APOL2: variants seen among roughly 807,000 people sequenced by gnomAD.
APOL2 encodes apolipoprotein L2, also known as apolipoprotein L, 2.
A neutral mutation model predicts 7.1 loss-of-function variants in APOL2; 8 were observed. The ratio of observed to expected loss-of-function variants is 1.12; its 90% CI spans 0.66 to 2.03. APOL2 has a LOEUF of 2.03. Among genes scored for constraint, APOL2 ranks in the 30% most tolerant of loss-of-function variants. The probability of loss-of-function intolerance (pLI) is 0.00; values close to 1 mark genes in which losing one functional copy is unlikely to be tolerated. For synonymous variants in APOL2, 177 were observed against 159.9 expected (o/e 1.11, Z -0.81); for missense variants, 471 against 415.1 (o/e 1.13, Z -1.17).
At chr22:36,237,017 G>T in intron 1 of APOL2, 1 of 1,427,666 alleles carries the variant, frequency 7.0e-7, no homozygotes, top group Non-Finnish European at 9.2e-7. Context: ...AGGACCAGGA[G>T]GGAGAAGAGG....
chr22:36,230,493 C>T (rs1463311408), intron 4 of APOL2, among the ~76,000 whole-genome samples: 1 of 152,080 alleles, frequency 6.6e-6, no homozygotes, highest in Non-Finnish European at 1.5e-5. Context: ...CTTTCCACAC[C>T]CTAGTCCCAG....
In APOL2 at chr22:36,228,238, T is replaced by C; in HGVS notation, c.180A>G (p.Ala60=). ...DELRKALNKL[A]SHMVMKDKNR... ...TTTTGTCCTTCATGACCATGTGACT[T>C]GCAAGCTTGTTCAGAGCTTTACGGA... Residue 60 remains alanine (A), a synonymous_variant, in exon 5 of 5, where the codon GCA becomes GCG. Transcript: ENST00000358502. 6.2e-7 allele frequency: 1 copy of C among 1,614,218 alleles called. No homozygotes were observed. Among genetic ancestry groups the C allele is most frequent in the East Asian group, 2.2e-5 (1 of 44,888 alleles).
intron 4 of APOL2, among the ~76,000 whole-genome samples, chr22:36,228,986 CCTT>C (rs1476000891): frequency 1.3e-5 from 2 of 152,190 alleles, no homozygotes; most frequent in African/African-American, 4.8e-5. Context: ...AGGACTTTCT[CCTT>C]GACCAACTCC....
At chr22:36,233,031 G>A (rs2003814) in intron 3 of APOL2, 122 bp downstream of exon 3, 97,491 of 1,005,552 alleles carry the variant, frequency 0.097, 5,533 homozygotes, top group Admixed American at 0.19. Context: ...TCTGCTGCTC[G>A]GGGCAGACTC....
intron 1 of APOL2, chr22:36,236,743 C>A: frequency 1.9e-6 from 2 of 1,029,912 alleles, no homozygotes. Context: ...CTCCCTCTTT[C>A]CACTTCCCAC....
In APOL2 at chr22:36,238,540, A is replaced by T. The variant is rs55880164; in HGVS notation, c.-134+901T>A. Among the ~76,000 whole-genome samples, 8 of 152,028 alleles carry T rather than the reference A, an allele frequency of 5.3e-5. No individual in the cohort carries two copies. The East Asian group carries it at 1.3e-3, about 26-fold the overall frequency. The stretch of plus-strand genomic sequence containing the variant: ...CCCTTGTGACTCTGATATTGAAGCA[A>T]AAATGGGTGATTTTAATAATCCAAC... On this transcript the variant is annotated intron_variant, in intron 1 of 4. Transcript: ENST00000358502.
At chr22:36,231,561 A>G (rs1042542198) in intron 3 of APOL2, 95 bp from the exon 4 acceptor site, 1 of 1,465,982 alleles carries the variant, frequency 6.8e-7, no homozygotes, top group Admixed American at 1.7e-5. Context: ...TTTTTCCTGG[A>G]CAACTGTGAT....
chr22:36,235,477 T>G (rs1328842406), intron 1 of APOL2, among the ~76,000 whole-genome samples: 2 of 152,044 alleles, frequency 1.3e-5, no homozygotes, highest in African/African-American at 4.8e-5. Flanking sequence ...AATATTTTAT[T>G]CATAAACTTA....
chr22:36,237,724 T>C (rs1179703367), intron 1 of APOL2, among the ~76,000 whole-genome samples: 1 of 152,176 alleles, frequency 6.6e-6, no homozygotes, highest in East Asian at 1.9e-4. Context: ...CTGAGGAATC[T>C]TCAGTGAAAA....
At chr22:36,234,030 G>A (rs1036426604) in intron 1 of APOL2, among the ~76,000 whole-genome samples, 7 of 152,124 alleles carry the variant, frequency 4.6e-5, no homozygotes, top group South Asian at 2.1e-4. Flanking sequence ...TGTGGCTGCC[G>A]AGCCCTCCTG....
chr22:36,231,147 C>T (rs9607326), intron 4 of APOL2, among the ~76,000 whole-genome samples, 193 bp downstream of exon 4: 12,552 of 152,294 alleles, frequency 0.082, 636 homozygotes, highest in Admixed American at 0.14. Context: ...CTTCCTATCC[C>T]CTCAGCCTGA....
At position 36,227,151 on chromosome 22, in the gene APOL2, T is replaced by A; in HGVS notation, c.*253A>T. The A allele has an allele frequency of 2.7e-6, 1 of 364,312 alleles. No homozygotes were observed. The highest frequency in any genetic ancestry group is 2.1e-5 in the African/African-American group (1 of 47,648). The allele number at this position is 364,312 out of a possible 1,614,324, so 22.6% of individuals were successfully genotyped here. A position where few individuals can be genotyped will look rare whatever the true frequency, so the allele number is the denominator to read the frequency against. ...TAACACAGTGAAACCCCGTCTCCAG[T>A]GAAAATACAAAAAAATTAGCCGGGC... On this transcript the variant is annotated 3_prime_UTR_variant, in exon 5 of 5. Coordinates refer to ENST00000358502, the MANE Select transcript of APOL2 (RefSeq NM_030882.4).
chr22:36,238,879 C>T (rs535082814), intron 1 of APOL2, among the ~76,000 whole-genome samples: 1 of 152,334 alleles, frequency 6.6e-6, no homozygotes, highest in African/African-American at 2.4e-5. Flanking sequence ...GCAAGTCATT[C>T]CCCTCCCAGG....
chr22:36,236,276 C>T (rs999547550), intron 1 of APOL2, among the ~76,000 whole-genome samples: 1 of 152,108 alleles, frequency 6.6e-6, no homozygotes, highest in African/African-American at 2.4e-5. Context: ...ACAAAGGTAG[C>T]AGTTGGGATG....
At chr22:36,235,241 AAT>A (rs1359526230) in intron 1 of APOL2, among the ~76,000 whole-genome samples, 24 of 152,188 alleles carry the variant, frequency 1.6e-4, no homozygotes, top group African/African-American at 5.8e-4. Context: ...CCCCAGAAAT[AAT>A]ATCTTTGTAT....
rs146028158 is a variant in APOL2, at chr22:36,226,662, T to TG, written c.*741dup. On this transcript the variant is annotated 3_prime_UTR_variant, in exon 5 of 5. Coordinates refer to ENST00000358502, the MANE Select transcript of APOL2 (RefSeq NM_030882.4). ...TTTATTCTTGGAAGGACATCAAACC[T>TG]GGGGGGGGGTCGGTAGTGGAGCTGC... 48,276 of 151,792 alleles carry TG rather than the reference T, an allele frequency of 0.32. 9,396 individuals are homozygous for TG. Among genetic ancestry groups the TG allele is most frequent in the East Asian group, 0.87 (4,452 of 5,096 alleles). 9.4% of individuals were successfully genotyped at this position (151,792 alleles called of 1,614,324 possible).
Position 36,238,905 on chromosome 22 carries a change from C to A in APOL2, c.-134+536G>T, listed in dbSNP as rs186194141. 2.6e-3 allele frequency among the ~76,000 whole-genome samples: 394 copies of A among 152,342 alleles called. 2 individuals carry two copies. The highest frequency in any genetic ancestry group is 8.9e-3 in the African/African-American group (368 of 41,570). The stretch of plus-strand genomic sequence containing the variant: ...CCCTCCCAGGGCCTCAGTTTCCCCA[C>A]AGGGCCTGGCACAAGTAGGTGCTCA... On this transcript the variant is annotated intron_variant, in intron 1 of 4. Coordinates refer to ENST00000358502, the MANE Select transcript of APOL2 (RefSeq NM_030882.4).
chr22:36,227,750 T>C lies in APOL2; in HGVS notation c.668A>G (p.Asn223Ser). 6.2e-7 allele frequency: 1 copy of C among 1,614,242 alleles called. No individual in the cohort carries two copies. The highest frequency in any genetic ancestry group is 8.5e-7 in the Non-Finnish European group (1 of 1,180,044). ...WYQVTQGIGR[N>S]IRAIRRARAN... Reference sequence around the variant, plus strand: ...TCTGGCTCGTCTGATGGCACGGATGTTCCTCCCAATCCCTTGTGTGACTTG... The same window carrying C: ...TCTGGCTCGTCTGATGGCACGGATGCTCCTCCCAATCCCTTGTGTGACTTG... The change falls in exon 5 of 5, where the codon AAC (asparagine) becomes AGC (serine). Residue 223 changes from asparagine (N) to serine (S), a missense_variant. Asn to Ser is a conservative substitution (Grantham distance 46). Transcript: ENST00000358502.
intron 1 of APOL2, among the ~76,000 whole-genome samples, chr22:36,235,752 G>GTGTGT (rs1569532873): frequency 0.15 from 17,015 of 110,852 alleles, 1,223 homozygotes; most frequent in Middle Eastern, 0.22. Flanking sequence ...AGGGTGGGTG[G>GTGTGT]GTGGGTGTGT....
Sources: gnomAD v4.1 joint callset for allele counts (sites outside exome capture counted in the v4.1 genomes callset) on GRCh38, gnomAD v4.1.1 for gene constraint, MANE v1.5 for transcripts, NCBI Gene and HGNC (gene_info 2026-07-23, HGNC 2026-07-21) for gene names.